Variants in NFYC observed in about 807,000 individuals in gnomAD.
NFYC encodes nuclear transcription factor Y subunit gamma.
NFYC carries 25 observed loss-of-function variants against 53.1 expected under a neutral mutation model. The ratio of observed to expected loss-of-function variants is 0.47; its 90% confidence interval spans 0.34 to 0.66. The LOEUF is 0.66. Ranked by LOEUF, NFYC falls within the 30% of genes least tolerant of loss-of-function variation. The pLI is 0.01. For missense variants in NFYC, 260 were observed against 422.7 expected (o/e 0.62, Z 3.38); for synonymous variants, 145 against 152.6 (o/e 0.95, Z 0.37).
chr1:40,749,255 C>A (rs951502437), intron 3 of NFYC, among the ~76,000 whole-genome samples: 4 of 152,144 alleles, frequency 2.6e-5, no homozygotes, highest in Non-Finnish European at 5.9e-5. Context: ...GAACCTAAAC[C>A]CTGCCACTTA....
intron 1 of NFYC, among the ~76,000 whole-genome samples, chr1:40,725,793 C>G (rs1644489244): frequency 6.6e-6 from 1 of 152,142 alleles, no homozygotes; most frequent in Non-Finnish European, 1.5e-5. Flanking sequence ...AGTGCTGCCA[C>G]TAGGGCAAAA....
At chr1:40,757,217 C>T (rs16827546) in intron 5 of NFYC, 18,030 of 384,440 alleles carry the variant, frequency 0.047, 936 homozygotes, top group African/African-American at 0.17. Flanking sequence ...ACACAGGTCA[C>T]TCCGGATCAG....
At chr1:40,704,064 C>T (rs1643573384) in intron 1 of NFYC, among the ~76,000 whole-genome samples, 1 of 146,120 alleles carries the variant, frequency 6.8e-6, no homozygotes, top group African/African-American at 2.6e-5. Flanking sequence ...CTGGTTTTGT[C>T]TCATAGTGAT....
At chr1:40,718,833 A>G (rs1423281889) in intron 1 of NFYC, among the ~76,000 whole-genome samples, 1 of 152,150 alleles carries the variant, frequency 6.6e-6, no homozygotes, top group African/African-American at 2.4e-5. Flanking sequence ...ATAGAGATCG[A>G]TATTTTTAGA....
chr1:40,717,670 A>G (rs1644188051), intron 1 of NFYC, among the ~76,000 whole-genome samples: 1 of 152,204 alleles, frequency 6.6e-6, no homozygotes, highest in Non-Finnish European at 1.5e-5. Flanking sequence ...AGATGTACAA[A>G]TATTTCCTTG....
intron 1 of NFYC, among the ~76,000 whole-genome samples, chr1:40,729,355 TTTATG>T (rs1359035662): frequency 6.6e-6 from 1 of 152,224 alleles, no homozygotes; most frequent in Non-Finnish European, 1.5e-5. Context: ...ACCTTATACT[TTTATG>T]TTATGGAGAT....
At chr1:40,743,276 G>T (rs777851212) in intron 2 of NFYC, among the ~76,000 whole-genome samples, 1 of 152,204 alleles carries the variant, frequency 6.6e-6, no homozygotes, top group African/African-American at 2.4e-5. Context: ...GTGGTGTTCA[G>T]CTGGGATTGA....
intron 1 of NFYC, among the ~76,000 whole-genome samples, chr1:40,721,009 G>A (rs755102253): frequency 1.3e-4 from 20 of 152,006 alleles, no homozygotes; most frequent in African/African-American, 4.1e-4. Flanking sequence ...TCTTACAAAC[G>A]GGGGAAAAAA....
At position 40,758,276 on chromosome 1, in the gene NFYC, A is replaced by G. The variant is rs776770701; in HGVS notation, c.543A>G (p.Ala181=). ...TTIQPGQIII[A]QPQQGQTTPV... ...TCCAGCCTGGGCAGATCATCATCGC[A>G]CAGCCTCAGCAGGGCCAGGTCTGTG... Residue 181 remains alanine (A), a synonymous_variant, in exon 6 of 10, where the codon GCA becomes GCG. Coordinates refer to ENST00000447388, the MANE Select transcript of NFYC (RefSeq NM_014223.5). 5.0e-6 allele frequency: 8 copies of G among 1,612,492 alleles called. No individual in the cohort carries two copies. Among genetic ancestry groups the G allele is most frequent in the Non-Finnish European group, 6.8e-6 (8 of 1,179,350 alleles).
chr1:40,715,632 T>A (rs1448673619), intron 1 of NFYC, among the ~76,000 whole-genome samples: 1 of 152,172 alleles, frequency 6.6e-6, no homozygotes. Context: ...ATCACTCTTA[T>A]CTTCTTGTCT....
chr1:40,753,827 A>G (rs573264467), intron 5 of NFYC, among the ~76,000 whole-genome samples: 3 of 152,306 alleles, frequency 2.0e-5, no homozygotes, highest in East Asian at 1.9e-4. Context: ...TTTAATGTGC[A>G]GTCAGATTTG....
At chr1:40,753,654 A>G (rs944472986) in intron 5 of NFYC, among the ~76,000 whole-genome samples, 1 of 152,160 alleles carries the variant, frequency 6.6e-6, no homozygotes, top group African/African-American at 2.4e-5. Flanking sequence ...CTCTTCCTCT[A>G]TATTGTGGTT....
intron 1 of NFYC, among the ~76,000 whole-genome samples, chr1:40,727,599 C>T (rs1208563111): frequency 1.4e-5 from 2 of 147,100 alleles, no homozygotes; most frequent in South Asian, 2.2e-4. Context: ...GGCACGATTT[C>T]GGCTCACTGC....
intron 7 of NFYC, chr1:40,766,312 A>C: frequency 3.0e-6 from 1 of 333,502 alleles, no homozygotes; most frequent in East Asian, 5.6e-5. Context: ...GCAAATAATG[A>C]GCATGCAGCC....
At chr1:40,724,079 C>G (rs1353649621) in intron 1 of NFYC, among the ~76,000 whole-genome samples, 1 of 152,114 alleles carries the variant, frequency 6.6e-6, no homozygotes, top group Non-Finnish European at 1.5e-5. Flanking sequence ...ACAATATAAA[C>G]TAATTAGGGG....
In NFYC at chr1:40,755,762, G is replaced by A. The variant is rs1034616403; in HGVS notation, c.388-2359G>A. Among the ~76,000 whole-genome samples the A allele has an allele frequency of 4.6e-5, 7 of 152,176 alleles. 1 individual carries two copies. The highest frequency in any genetic ancestry group is 6.5e-5 in the Admixed American group (1 of 15,270). Reference sequence around the variant, plus strand: ...TAGGTGCCTCCACTTGATTCTCAGTGTCCTAGATACTGTCTAGTTCATAAA... The same window carrying A: ...TAGGTGCCTCCACTTGATTCTCAGTATCCTAGATACTGTCTAGTTCATAAA... On this transcript the variant is annotated intron_variant, in intron 5 of 9. Coordinates refer to ENST00000447388, the MANE Select transcript of NFYC (RefSeq NM_014223.5).
At chr1:40,706,891 C>T (rs527887514) in intron 1 of NFYC, among the ~76,000 whole-genome samples, 5 of 152,194 alleles carry the variant, frequency 3.3e-5, no homozygotes, top group African/African-American at 4.8e-5. Context: ...AATATGGGGC[C>T]GGGCGTGGTG....
intron 1 of NFYC, among the ~76,000 whole-genome samples, chr1:40,702,347 T>A (rs1429860582): frequency 6.6e-6 from 1 of 151,138 alleles, no homozygotes; most frequent in Admixed American, 6.6e-5. Context: ...AGAACTTTTT[T>A]TTTTTTTTTT....
intron 1 of NFYC, among the ~76,000 whole-genome samples, chr1:40,730,195 CTTTTTTTTTT>C (rs34045698): frequency 7.2e-4 from 73 of 102,000 alleles, no homozygotes; most frequent in Non-Finnish European, 1.2e-3. Flanking sequence ...TCTTTCTTTT[CTTTTTTTTTT>C]TTTTTTTTTT....
Sources: allele counts gnomAD v4.1 joint callset (sites outside exome capture counted in the v4.1 genomes callset), GRCh38; gene constraint gnomAD v4.1.1; transcripts MANE v1.5; gene names NCBI Gene and HGNC (gene_info 2026-07-23, HGNC 2026-07-21).